The following KATNIP variants were observed in gnomAD, a reference collection of about 807,000 sequenced individuals.
KATNIP encodes katanin-interacting protein.
In KATNIP, 126 loss-of-function variants were observed where a neutral mutation model predicts 174.0. The observed-to-expected ratio is 0.72, with a 90% CI of 0.63 to 0.84. The LOEUF is 0.84. Among genes scored for constraint, KATNIP ranks in the 40% least tolerant of loss-of-function variants. The probability of loss-of-function intolerance (pLI) is 0.00; values close to 1 mark genes in which losing one functional copy is unlikely to be tolerated. For missense variants in KATNIP, 1,958 were observed against 2,109.7 expected (o/e 0.93, Z 1.41); for synonymous variants, 810 against 835.7 (o/e 0.97, Z 0.53).
chr16:27,740,466 C>T lies in KATNIP; in HGVS notation c.2169C>T (p.Cys723=), dbSNP rs1343382277. Reference sequence around the variant, plus strand: ...CTGCCACTTCCCCACCTGTGAAGTGCCCTCCTGTCCATGAGGAGCCCTCTC... The same window carrying T: ...CTGCCACTTCCCCACCTGTGAAGTGTCCTCCTGTCCATGAGGAGCCCTCTC... ...SAPATSPPVK[C]PPVHEEPSLI... is the part of the protein sequence containing the mutation. Residue 723 remains cysteine (C), a synonymous_variant, in exon 15 of 28, where the codon TGC becomes TGT. Coordinates refer to ENST00000261588, the MANE Select transcript of KATNIP (RefSeq NM_015202.5). 5.6e-6 allele frequency: 9 copies of T among 1,613,936 alleles called. No individual in the cohort carries two copies. In the African/African-American group the frequency reaches 6.7e-5, roughly 12 times the overall value.
intron 2 of KATNIP, among the ~76,000 whole-genome samples, chr16:27,579,748 T>C (rs2090625730): frequency 6.6e-6 from 1 of 152,062 alleles, no homozygotes; most frequent in South Asian, 2.1e-4. Flanking sequence ...TTCCAAAAAA[T>C]GCTCTTGACA....
In KATNIP at chr16:27,777,700, G is replaced by A. The variant is rs756969546; in HGVS notation, c.4642G>A (p.Val1548Met). Residue 1548 changes from valine (V) to methionine (M), a missense_variant, in exon 26 of 28, where the codon GTG (valine) becomes ATG (methionine). Coordinates refer to ENST00000261588, the MANE Select transcript of KATNIP (RefSeq NM_015202.5). The surrounding 1 kb of genome is among the most constrained non-coding windows in gnomAD (Gnocchi z 4.4). ...CATCCTGCCCACATGTGAGCCCACCGTGCCCTACCACACCATCCTCTTCAC... is the reference window on the plus strand; with the variant it reads ...CATCCTGCCCACATGTGAGCCCACCATGCCCTACCACACCATCCTCTTCAC... The part of the protein sequence containing the change: ...GGILPTCEPT[V>M]PYHTILFTED... 52 of 1,613,938 alleles carry A rather than the reference G, an allele frequency of 3.2e-5. No individual in the cohort carries two copies. Among genetic ancestry groups the A allele is most frequent in the South Asian group, 2.5e-4 (23 of 91,074 alleles).
chr16:27,551,040 A>C (rs1311764949), intron 1 of KATNIP, among the ~76,000 whole-genome samples: 1 of 152,212 alleles, frequency 6.6e-6, no homozygotes, highest in Middle Eastern at 3.2e-3. Context: ...CTTCTCAAAA[A>C]CAGGGTTGGC....
intron 20 of KATNIP, 68 bp downstream of exon 20, chr16:27,766,542 C>G: frequency 6.7e-7 from 1 of 1,499,742 alleles, no homozygotes; most frequent in African/African-American, 1.4e-5. Flanking sequence ...GAATGGCTGG[C>G]GTGGCAGCCA....
intron 1 of KATNIP, among the ~76,000 whole-genome samples, chr16:27,551,425 TCA>T (rs2089360483): frequency 2.6e-5 from 4 of 152,198 alleles, no homozygotes; most frequent in Non-Finnish European, 5.9e-5. Flanking sequence ...TCTGGAAAGG[TCA>T]ATGTAATGTT....
At chr16:27,632,661 G>C in intron 5 of KATNIP, 2 of 455,922 alleles carry the variant, frequency 4.4e-6, no homozygotes, top group Non-Finnish European at 8.8e-6. Context: ...CCACAGAAGG[G>C]AGGGGCAGCA....
intron 8 of KATNIP, among the ~76,000 whole-genome samples, chr16:27,688,395 T>C (rs1361334274): frequency 6.6e-6 from 1 of 152,088 alleles, no homozygotes; most frequent in Non-Finnish European, 1.5e-5. Context: ...GAGTTCAAGA[T>C]CAGCCTGACC....
At chr16:27,648,895 A>G (rs1250052332) in intron 6 of KATNIP, among the ~76,000 whole-genome samples, 160 bp downstream of exon 6, 1 of 152,244 alleles carries the variant, frequency 6.6e-6, no homozygotes, top group Non-Finnish European at 1.5e-5. Flanking sequence ...TTTGATGAGC[A>G]GACCTTGGGC....
intron 2 of KATNIP, among the ~76,000 whole-genome samples, chr16:27,590,982 G>A (rs563535767): frequency 5.9e-5 from 9 of 152,280 alleles, no homozygotes; most frequent in African/African-American, 2.2e-4. Flanking sequence ...CTGTGGACTC[G>A]GGTAGGAGAG....
At position 27,628,824 on chromosome 16, in the gene KATNIP, A is replaced by T; in HGVS notation, c.304A>T (p.Thr102Ser). Residue 102 changes from threonine to serine, a missense_variant, in exon 4 of 28, where the codon ACA becomes TCA. Transcript: ENST00000261588. ...FSRSASHTEG[T>S]HDYGRRTLFR... ...CAGAAGTGCCTCCCACACGGAGGGG[A>T]CACACGGTGAGCACAGGCCCTCCAG... 1 of 1,614,052 alleles carries T rather than the reference A, an allele frequency of 6.2e-7. No homozygotes were observed. The highest frequency in any genetic ancestry group is 8.5e-7 in the Non-Finnish European group (1 of 1,179,978).
chr16:27,572,856 A>G (rs540622641), intron 1 of KATNIP, among the ~76,000 whole-genome samples: 6 of 152,258 alleles, frequency 3.9e-5, no homozygotes, highest in Admixed American at 6.5e-5. Context: ...CCTTTTACAC[A>G]TTGGCCTTAG....
At chr16:27,645,342 C>T (rs949256123) in intron 5 of KATNIP, among the ~76,000 whole-genome samples, 4 of 152,148 alleles carry the variant, frequency 2.6e-5, no homozygotes, top group African/African-American at 4.8e-5. Context: ...ATTTGGAAAC[C>T]GGGCTCAGGG....
chr16:27,625,079 C>T (rs994127995), intron 3 of KATNIP, among the ~76,000 whole-genome samples: 1 of 152,166 alleles, frequency 6.6e-6, no homozygotes, highest in African/African-American at 2.4e-5. Flanking sequence ...TCTGAGTCCC[C>T]TCTGCCCAGG....
chr16:27,620,265 A>G (rs1274354303), intron 3 of KATNIP, among the ~76,000 whole-genome samples: 1 of 152,176 alleles, frequency 6.6e-6, no homozygotes. Flanking sequence ...GGAAAGAAAC[A>G]CCTTCCAGTG....
intron 6 of KATNIP, among the ~76,000 whole-genome samples, chr16:27,651,695 A>T (rs2077126462): frequency 6.6e-6 from 1 of 152,102 alleles, no homozygotes; most frequent in Non-Finnish European, 1.5e-5. Flanking sequence ...CTTTTAAAAG[A>T]TGTGAATTAC....
At chr16:27,698,595 G>A (rs1230771307) in intron 9 of KATNIP, 95 bp downstream of exon 9, 2 of 1,276,036 alleles carry the variant, frequency 1.6e-6, no homozygotes, top group East Asian at 5.1e-5. Context: ...AGAAGAGAGA[G>A]GTGTAGTGGG....
chr16:27,582,805 G>A (rs1159579091), intron 2 of KATNIP, among the ~76,000 whole-genome samples: 4 of 152,140 alleles, frequency 2.6e-5, no homozygotes. Context: ...ATGGAACCTG[G>A]CACATACTCA....
chr16:27,763,224 A>G (rs527385434), intron 19 of KATNIP, among the ~76,000 whole-genome samples: 5 of 151,918 alleles, frequency 3.3e-5, no homozygotes, highest in Non-Finnish European at 4.4e-5. Flanking sequence ...CTGAGGTAGG[A>G]GGATCACTTG....
At chr16:27,619,547 G>T (rs145927440) in intron 3 of KATNIP, among the ~76,000 whole-genome samples, 10 of 152,236 alleles carry the variant, frequency 6.6e-5, no homozygotes, top group African/African-American at 2.4e-4. Flanking sequence ...TTCAGCTCTG[G>T]TCTCACTGAC....
Sources: gnomAD v4.1 joint callset for allele counts (sites outside exome capture counted in the v4.1 genomes callset) on GRCh38, gnomAD v4.1.1 for gene constraint, Gnocchi (gnomAD v3.1) non-coding constraint, MANE v1.5 for transcripts, NCBI Gene and HGNC (gene_info 2026-07-23, HGNC 2026-07-21) for gene names.